The following PARD3 variants were observed in gnomAD, a reference collection of about 807,000 sequenced individuals.
The protein encoded by PARD3 is partitioning defective 3 homolog.
A neutral mutation model predicts 155.4 loss-of-function variants in PARD3; 75 were observed. That is an observed-to-expected ratio of 0.48 (90% CI 0.40 to 0.58). The LOEUF is 0.58. Ranked by LOEUF, PARD3 falls within the 20% of genes least tolerant of loss-of-function variation. PARD3 has a pLI of 0.00. For synonymous variants in PARD3, 576 were observed against 610.5 expected, an observed-to-expected ratio of 0.94 and a Z score of 0.83; for missense variants, 1,642 against 1,721.7, an observed-to-expected ratio of 0.95 and a Z score of 0.82.
intron 20 of PARD3, among the ~76,000 whole-genome samples, chr10:34,303,052 G>T (rs1957225910): frequency 8.4e-6 from 1 of 119,024 alleles, no homozygotes. Context: ...CATCACACCT[G>T]CTCCAAAACC....
chr10:34,463,885 A>G (rs1293990148), intron 4 of PARD3, among the ~76,000 whole-genome samples: 1 of 152,198 alleles, frequency 6.6e-6, no homozygotes, highest in Non-Finnish European at 1.5e-5. Flanking sequence ...TACATGCTAT[A>G]TAGGTTTCCA....
chr10:34,511,559 A>G (rs2081400930), intron 3 of PARD3, among the ~76,000 whole-genome samples: 1 of 152,198 alleles, frequency 6.6e-6, no homozygotes, highest in African/African-American at 2.4e-5. Flanking sequence ...TGACAAAGCG[A>G]CAGAGTAACC....
chr10:34,316,488 A>T (rs1487795224), intron 20 of PARD3, among the ~76,000 whole-genome samples: 2 of 152,234 alleles, frequency 1.3e-5, no homozygotes, highest in African/African-American at 4.8e-5. Flanking sequence ...CCGAAGTAAT[A>T]AGTACTAAAT....
intron 5 of PARD3, among the ~76,000 whole-genome samples, chr10:34,413,144 TAC>T (rs146779470): frequency 0.024 from 3,510 of 145,852 alleles, 40 homozygotes; most frequent in African/African-American, 0.029. Flanking sequence ...CAGATATATA[TAC>T]ACACACACAC....
intron 1 of PARD3, among the ~76,000 whole-genome samples, chr10:34,707,750 C>T (rs2094387784): frequency 6.6e-6 from 1 of 152,196 alleles, no homozygotes; most frequent in Admixed American, 6.5e-5. Context: ...TCTCAGTGTT[C>T]ACTGTCAGAG....
intron 2 of PARD3, among the ~76,000 whole-genome samples, chr10:34,572,381 G>A (rs1292299716): frequency 1.3e-5 from 2 of 152,144 alleles, no homozygotes; most frequent in African/African-American, 4.8e-5. Flanking sequence ...GCTCACACCT[G>A]TAATCCCAGC....
At chr10:34,397,613 TA>T (rs1485520795) in intron 7 of PARD3, among the ~76,000 whole-genome samples, 1 of 152,234 alleles carries the variant, frequency 6.6e-6, no homozygotes, top group Non-Finnish European at 1.5e-5. Flanking sequence ...TCCTTTGACT[TA>T]ATCTAGATAG....
intron 2 of PARD3, among the ~76,000 whole-genome samples, chr10:34,667,277 G>A (rs979796600): frequency 5.3e-5 from 8 of 152,200 alleles, no homozygotes; most frequent in Non-Finnish European, 1.0e-4. Context: ...GCTAGTAGGA[G>A]TGATCTTTCT....
At chr10:34,111,662 A>G in intron 24 of PARD3, 100 bp from the exon 25 acceptor site, 1 of 973,374 alleles carries the variant, frequency 1.0e-6, no homozygotes, top group African/African-American at 1.6e-5. Context: ...TCACTTTTCA[A>G]CAAATATTCC....
chr10:34,609,848 A>G (rs777841687), intron 2 of PARD3, among the ~76,000 whole-genome samples: 1 of 152,204 alleles, frequency 6.6e-6, no homozygotes, highest in Non-Finnish European at 1.5e-5. Flanking sequence ...TGTTTTTAAA[A>G]CCAGCAGAAA....
At chr10:34,139,536 C>T (rs920297380) in intron 22 of PARD3, among the ~76,000 whole-genome samples, 16 of 152,052 alleles carry the variant, frequency 1.1e-4, no homozygotes, top group Non-Finnish European at 8.8e-5. Context: ...TTACTTGTAC[C>T]AATGGTTAAG....
chr10:34,700,254 C>T (rs2094249888), intron 1 of PARD3, among the ~76,000 whole-genome samples: 2 of 152,062 alleles, frequency 1.3e-5, no homozygotes, highest in African/African-American at 4.8e-5. Context: ...AGATAAAGAA[C>T]ATCAACTTCA....
chr10:34,340,670 T>G (rs1836711351), intron 16 of PARD3, among the ~76,000 whole-genome samples: 1 of 151,966 alleles, frequency 6.6e-6, no homozygotes, highest in African/African-American at 2.4e-5. Context: ...ATGTGGAGAG[T>G]CAGGGAAGAG....
chr10:34,787,866 A>G (rs7092771), intron 1 of PARD3, among the ~76,000 whole-genome samples: 117,897 of 151,018 alleles, frequency 0.78, 47,149 homozygotes, highest in African/African-American at 0.95. Context: ...CTGCAGCCTC[A>G]AACTCCTAGG....
At chr10:34,127,410 C>A (rs1232880370) in intron 23 of PARD3, among the ~76,000 whole-genome samples, 1 of 152,172 alleles carries the variant, frequency 6.6e-6, no homozygotes, top group Non-Finnish European at 1.5e-5. Context: ...CCTCACAGCT[C>A]CGTGGTTCTC....
rs1005884126 is a variant in PARD3 at position 34,258,453 on chromosome 10, GT to G, written c.3419+11203del. 3.1e-4 allele frequency among the ~76,000 whole-genome samples: 47 copies of G among 152,274 alleles called. 1 individual carries two copies. Among genetic ancestry groups the G allele is most frequent in the African/African-American group, 1.0e-3 (43 of 41,548 alleles). On this transcript the variant is annotated intron_variant, in intron 22 of 24. Coordinates refer to ENST00000374788, the MANE Select transcript of PARD3 (RefSeq NM_001184785.2). ...CTTGAGATGTGTGGGTTGTGATTGCGTTTGCTGAGATTAGGCTGTTGAAACT... is the reference window on the plus strand; with the variant it reads ...CTTGAGATGTGTGGGTTGTGATTGCGTTGCTGAGATTAGGCTGTTGAAACT...
At chr10:34,711,124 C>A (rs948162700) in intron 1 of PARD3, among the ~76,000 whole-genome samples, 1 of 152,088 alleles carries the variant, frequency 6.6e-6, no homozygotes, top group Admixed American at 6.6e-5. Context: ...AGCTGATGAA[C>A]TAAGATTGCA....
At position 34,168,572 on chromosome 10, in the gene PARD3, G is replaced by GT. The variant is rs372421641; in HGVS notation, c.3420-36990dup. Among the ~76,000 whole-genome samples the GT allele has an allele frequency of 1.7e-3, 265 of 152,238 alleles. 2 individuals carry two copies. Among genetic ancestry groups the GT allele is most frequent in the African/African-American group, 5.7e-3 (235 of 41,542 alleles). On this transcript the variant is annotated intron_variant, in intron 22 of 24. Coordinates refer to ENST00000374788, the MANE Select transcript of PARD3 (RefSeq NM_001184785.2). Reference sequence around the variant, plus strand: ...CTCTCTAGGGCAGGCGTGTGATTTGGTAAGTCATTGGGAGGGCGAGGAGCT... The same window carrying GT: ...CTCTCTAGGGCAGGCGTGTGATTTGGTTAAGTCATTGGGAGGGCGAGGAGCT...
chr10:34,375,876 C>G (rs1191430209), intron 10 of PARD3, among the ~76,000 whole-genome samples: 1 of 152,048 alleles, frequency 6.6e-6, no homozygotes, highest in African/African-American at 2.4e-5. Context: ...CCTCAAGGTA[C>G]TACTATTAAG....
Sources: gnomAD v4.1 joint callset for allele counts (sites outside exome capture counted in the v4.1 genomes callset) on GRCh38, gnomAD v4.1.1 for gene constraint, MANE v1.5 for transcripts, NCBI Gene and HGNC (gene_info 2026-07-23, HGNC 2026-07-21) for gene names.